The following BAIAP2 variants were observed in gnomAD, a reference collection of about 807,000 sequenced individuals.
BAIAP2 encodes the protein BAR/IMD domain containing adaptor protein 2.
BAIAP2 carries 18 observed loss-of-function variants against 63.0 expected under a neutral mutation model. The ratio of observed to expected loss-of-function variants is 0.29; its 90% confidence interval spans 0.20 to 0.42. The LOEUF (loss-of-function observed/expected upper bound fraction) is 0.42. BAIAP2 is among the 10% of genes least tolerant of loss of function. The pLI is 1.00. For synonymous variants in BAIAP2, 386 were observed against 307.6 expected (o/e 1.25, Z -2.67); for missense variants, 610 against 734.3 (o/e 0.83, Z 1.96).
intron 1 of BAIAP2, among the ~76,000 whole-genome samples, chr17:81,049,970 C>T (rs1255347438): frequency 6.6e-6 from 1 of 152,232 alleles, no homozygotes; most frequent in Non-Finnish European, 1.5e-5. Flanking sequence ...GGTTCGGAGG[C>T]TCAGAGAGAC....
At chr17:81,063,088 CGAG>C (rs1568099235) in intron 3 of BAIAP2, among the ~76,000 whole-genome samples, 1 of 151,798 alleles carries the variant, frequency 6.6e-6, no homozygotes. Context: ...GGGACCTGAG[CGAG>C]GAGGACTGCA....
intron 13 of BAIAP2, among the ~76,000 whole-genome samples, chr17:81,111,519 A>G (rs978491538): frequency 2.6e-5 from 4 of 152,202 alleles, no homozygotes; most frequent in Non-Finnish European, 4.4e-5. Flanking sequence ...AAGCCCCACA[A>G]CGTGGACCCA....
chr17:81,075,901 C>T (rs1437145424), intron 3 of BAIAP2, among the ~76,000 whole-genome samples: 1 of 152,068 alleles, frequency 6.6e-6, no homozygotes, highest in Non-Finnish European at 1.5e-5. Context: ...GAGGTTCTGC[C>T]AGGGTCTGTG....
At chr17:81,044,520 A>G (rs1207789456) in intron 1 of BAIAP2, among the ~76,000 whole-genome samples, 1 of 152,160 alleles carries the variant, frequency 6.6e-6, no homozygotes. Flanking sequence ...TCGCCTTCCT[A>G]AAGACCCTGT....
intron 1 of BAIAP2, among the ~76,000 whole-genome samples, chr17:81,038,021 G>A (rs1312838291): frequency 6.6e-6 from 1 of 152,226 alleles, no homozygotes; most frequent in African/African-American, 2.4e-5. Context: ...GGTGTTTGCC[G>A]AGAACATAAT....
At chr17:81,058,633 CCAGAGCGAGCTGTGGCCGG>C (rs2050030070) in intron 3 of BAIAP2, among the ~76,000 whole-genome samples, 3 of 152,230 alleles carry the variant, frequency 2.0e-5, no homozygotes, top group Admixed American at 6.5e-5. Context: ...CTTGCTGCTC[CCAGAGCGAGCTGTGGCCGG>C]CAGAGCGGCC....
At chr17:81,066,509 C>T (rs2051492941) in intron 3 of BAIAP2, among the ~76,000 whole-genome samples, 1 of 152,200 alleles carries the variant, frequency 6.6e-6, no homozygotes, top group South Asian at 2.1e-4. Flanking sequence ...GCCTGGGGCC[C>T]CCACAGGTCA....
chr17:81,079,108 C>T (rs1048350404), intron 3 of BAIAP2, among the ~76,000 whole-genome samples: 2 of 152,308 alleles, frequency 1.3e-5, no homozygotes, highest in South Asian at 4.1e-4. Context: ...CCAAGCAGAA[C>T]CAACCCGAGG....
intron 6 of BAIAP2, among the ~76,000 whole-genome samples, chr17:81,091,074 ACTTGTGTGCCCCG>A (rs2056667915): frequency 7.6e-5 from 1 of 13,174 alleles, no homozygotes; most frequent in Non-Finnish European, 1.4e-4. Context: ...ACCCGCCCCC[ACTTGTGTGCCCCG>A]ACTTGTGTGG....
chr17:81,067,469 A>G (rs2051704603), intron 3 of BAIAP2, among the ~76,000 whole-genome samples: 1 of 152,216 alleles, frequency 6.6e-6, no homozygotes, highest in Non-Finnish European at 1.5e-5. Context: ...CCCGCCTGCC[A>G]ACAGCTTTGC....
intron 1 of BAIAP2, among the ~76,000 whole-genome samples, chr17:81,038,569 C>T (rs946328631): frequency 1.3e-5 from 2 of 152,240 alleles, no homozygotes; most frequent in Non-Finnish European, 2.9e-5. Context: ...GTGGGGAAGC[C>T]AGCCTGGCGG....
In BAIAP2 at chr17:81,116,595, G is replaced by A; in HGVS notation, c.*756G>A. 2.1e-6 allele frequency: 1 copy of A among 468,688 alleles called. No homozygotes were observed. The highest frequency in any genetic ancestry group is 3.9e-6 in the Non-Finnish European group (1 of 256,728). 29.0% of individuals were successfully genotyped at this position (468,688 alleles called of 1,614,324 possible). A position where few individuals can be genotyped will look rare whatever the true frequency, so the allele number is the denominator to read the frequency against. ...CCAGCAGAGTGCCCGCTGGCAGGTG[G>A]GGGCTTCCCCGCTTCCGGGGTCTGC... is the stretch of plus-strand genomic sequence containing the variant. On this transcript the variant is annotated 3_prime_UTR_variant, in exon 14 of 14. Coordinates refer to ENST00000428708, the MANE Select transcript of BAIAP2 (RefSeq NM_001144888.2).
chr17:81,085,626 G>T (rs143516119), intron 4 of BAIAP2, 28 bp from the exon 5 acceptor site: 1 of 1,600,734 alleles, frequency 6.2e-7, no homozygotes, highest in Non-Finnish European at 8.6e-7. Context: ...TGGAGCTGAC[G>T]GCTGATGTGT....
At chr17:81,068,190 C>T (rs549332917) in intron 3 of BAIAP2, among the ~76,000 whole-genome samples, 3 of 152,206 alleles carry the variant, frequency 2.0e-5, no homozygotes, top group Non-Finnish European at 2.9e-5. Context: ...GCTCTCAGGG[C>T]GGCCTCTGCT....
At chr17:81,057,677 G>C in intron 2 of BAIAP2, 1 of 1,373,138 alleles carries the variant, frequency 7.3e-7, no homozygotes, top group East Asian at 2.8e-5. Context: ...AGTCAAGGGA[G>C]CTCTCATGAT....
chr17:81,103,619 C>T lies in BAIAP2; in HGVS notation c.760C>T (p.Leu254Phe), dbSNP rs776695608. Residue 254 changes from leucine to phenylalanine, a missense_variant, in exon 8 of 14, where the codon CTC becomes TTC. Physicochemically the swap from Leu to Phe is conservative, Grantham distance 22 (BLOSUM62 0). This residue lies in a region of BAIAP2 where 389 missense variants were observed against 455.6 expected (regional missense o/e 0.85). Transcript: ENST00000428708. Reference protein sequence around the residue: ...MQQVASNGATLPSALSASKSN... With the variant: ...MQQVASNGATFPSALSASKSN... ...GCAGGTGGCCAGCAACGGCGCCACC[C>T]TCCCCAGCGCCCTGTCGGCCTCCAA... 6.2e-7 allele frequency: 1 copy of T among 1,605,808 alleles called. No homozygotes were observed. The highest frequency in any genetic ancestry group is 1.1e-5 in the South Asian group (1 of 90,970).
rs1478142334 is a variant in BAIAP2, at chr17:81,103,959, A to G, written c.917A>G (p.Asp306Gly). ...ATCATGAACGGCGTCACAGGCCCGG[A>G]TGGCGAGGACTACAGCCCGTGGGCT... ...TPIMNGVTGP[D>G]GEDYSPWADR... Residue 306 changes from aspartate to glycine, a missense_variant, in exon 9 of 14, where the codon GAT (aspartate) becomes GGT (glycine). Physicochemically the swap from Asp to Gly is moderately conservative, Grantham distance 94. Coordinates refer to ENST00000428708, the MANE Select transcript of BAIAP2 (RefSeq NM_001144888.2). The G allele has an allele frequency of 3.7e-6, 6 of 1,612,886 alleles. No homozygotes were observed. The highest frequency in any genetic ancestry group is 5.1e-6 in the Non-Finnish European group (6 of 1,180,010).
intron 6 of BAIAP2, among the ~76,000 whole-genome samples, chr17:81,094,340 T>C (rs1331292307): frequency 6.6e-6 from 1 of 152,182 alleles, no homozygotes; most frequent in Non-Finnish European, 1.5e-5. Flanking sequence ...AATACCAAGC[T>C]GTGGGTCTGT....
In BAIAP2 at chr17:81,116,243, G is replaced by A. The variant is rs764303213; in HGVS notation, c.*404G>A. On this transcript the variant is annotated 3_prime_UTR_variant, in exon 14 of 14. Coordinates refer to ENST00000428708, the MANE Select transcript of BAIAP2 (RefSeq NM_001144888.2). ...CTCCTGCACCAGGTGTGATCTGTCC[G>A]CCCAAGGGCCAGAAGGCCGGGAGCA... 1.2e-5 allele frequency: 20 copies of A among 1,612,362 alleles called. No individual in the cohort carries two copies. The highest frequency in any genetic ancestry group is 2.7e-5 in the African/African-American group (2 of 74,938).
Sources: gnomAD v4.1 joint callset for allele counts (sites outside exome capture counted in the v4.1 genomes callset) on GRCh38, gnomAD v4.1.1 for gene constraint, gnomAD v4.1.1 regional missense constraint, MANE v1.5 for transcripts, NCBI Gene and HGNC (gene_info 2026-07-23, HGNC 2026-07-21) for gene names.